Variants in DSE observed in about 807,000 individuals in gnomAD.
DSE encodes dermatan-sulfate epimerase.
Under a neutral mutation model 84.4 loss-of-function variants are expected in DSE, and 36 were observed. The ratio of observed to expected loss-of-function variants is 0.43; its 90% CI spans 0.33 to 0.56. The LOEUF is 0.56. Ranked by LOEUF, DSE falls within the 20% of genes least tolerant of loss-of-function variation. DSE has a pLI of 0.06. For synonymous variants in DSE, 410 were observed against 430.1 expected, an observed-to-expected ratio of 0.95 and a Z score of 0.58; for missense variants, 862 against 1,169.6, an observed-to-expected ratio of 0.74 and a Z score of 3.84.
Position 116,431,117 on chromosome 6 carries a change from G to A in DSE, c.834G>A (p.Arg278=), listed in dbSNP as rs1186518465. The change falls in exon 4 of 6, where the codon AGG becomes AGA. Residue 278 remains arginine, a synonymous_variant. Transcript: ENST00000644252. ...SLFQYMFLVQ[R]HFNINHFGHP... Reference sequence around the variant, plus strand: ...TCCAATACATGTTTCTCGTCCAGAGGCACTTCAACATCAACCACTTTGGCC... The same window carrying A: ...TCCAATACATGTTTCTCGTCCAGAGACACTTCAACATCAACCACTTTGGCC... The A allele has an allele frequency of 1.2e-6, 2 of 1,614,164 alleles. No individual in the cohort carries two copies. Among genetic ancestry groups the A allele is most frequent in the Non-Finnish European group, 1.7e-6 (2 of 1,180,026 alleles).
chr6:116,370,911 C>G (rs963552535), upstream of DSE: 3 of 985,590 alleles, frequency 3.0e-6, no homozygotes, highest in African/African-American at 1.7e-5. Flanking sequence ...CCGCCCCTTT[C>G]GCCCACACCT....
chr6:116,296,037 T>A (rs1049453480), intron 2 of DSE, among the ~76,000 whole-genome samples: 16 of 152,196 alleles, frequency 1.1e-4, no homozygotes, highest in African/African-American at 3.9e-4. Flanking sequence ...CTGAAATCAC[T>A]AAAATGTGCC....
chr6:116,272,687 T>C (rs1426032779), intron 2 of DSE, among the ~76,000 whole-genome samples: 3 of 152,210 alleles, frequency 2.0e-5, no homozygotes, highest in Non-Finnish European at 4.4e-5. Flanking sequence ...AGCTGCACTT[T>C]AGGCTGTAAT....
At chr6:116,413,388 T>C (rs1298387320) in intron 2 of DSE, among the ~76,000 whole-genome samples, 1 of 152,224 alleles carries the variant, frequency 6.6e-6, no homozygotes, top group Non-Finnish European at 1.5e-5. Context: ...CCCTACCCAA[T>C]ATCCTTTCTT....
chr6:116,258,534 G>A (rs1046719622), exon 2 of DSE: 14 of 1,371,126 alleles, frequency 1.0e-5, no homozygotes, highest in Middle Eastern at 1.8e-4. Flanking sequence ...AAGGCCACAC[G>A]TCCTTCTTCT....
intron 1 of DSE, among the ~76,000 whole-genome samples, chr6:116,371,742 C>T (rs962139797): frequency 1.3e-4 from 20 of 152,270 alleles, no homozygotes; most frequent in African/African-American, 4.6e-4. Context: ...CGAGGCAGTC[C>T]CGGGGAGGGG....
At chr6:116,393,194 T>G (rs765551617) in intron 1 of DSE, among the ~76,000 whole-genome samples, 4 of 152,184 alleles carry the variant, frequency 2.6e-5, no homozygotes, top group Non-Finnish European at 5.9e-5. Flanking sequence ...GGAAGAAAAT[T>G]TAGTTAATAG....
chr6:116,276,919 TA>T, intron 2 of DSE: 1 of 152,350 alleles, frequency 6.6e-6, no homozygotes, highest in East Asian at 1.9e-4. Flanking sequence ...TTTTGTAGAT[TA>T]TTTTTCCATG....
intron 2 of DSE, among the ~76,000 whole-genome samples, chr6:116,331,601 A>T (rs756624313): frequency 5.9e-5 from 9 of 152,204 alleles, no homozygotes; most frequent in Non-Finnish European, 1.3e-4. Flanking sequence ...ATCAATAGTT[A>T]CCAACATTTC....
chr6:116,409,263 C>A (rs1346282711), intron 2 of DSE, among the ~76,000 whole-genome samples: 3 of 151,946 alleles, frequency 2.0e-5, no homozygotes, highest in Non-Finnish European at 2.9e-5. Context: ...TATAAGTTTA[C>A]TGTATTTGTT....
chr6:116,335,265 AACAC>A (rs1405879498), intron 2 of DSE, among the ~76,000 whole-genome samples: 3 of 152,240 alleles, frequency 2.0e-5, no homozygotes, highest in Admixed American at 1.3e-4. Context: ...TTATCAAACT[AACAC>A]AGAAAGAGAA....
chr6:116,275,528 C>T (rs1031945197), intron 2 of DSE, among the ~76,000 whole-genome samples: 1 of 152,190 alleles, frequency 6.6e-6, no homozygotes, highest in East Asian at 1.9e-4. Flanking sequence ...GGGCTGGGTG[C>T]GGTGGCTCAC....
intron 2 of DSE, among the ~76,000 whole-genome samples, chr6:116,328,396 C>T (rs1198393159): frequency 1.3e-5 from 2 of 152,128 alleles, no homozygotes. Flanking sequence ...CATACGTTTC[C>T]TTTCTGGACC....
intron 2 of DSE, among the ~76,000 whole-genome samples, chr6:116,402,805 C>T (rs1238939322): frequency 6.6e-6 from 1 of 151,980 alleles, no homozygotes; most frequent in Non-Finnish European, 1.5e-5. Context: ...ATGTTAACAC[C>T]AATGAAGAAG....
rs1283836708 is a variant in DSE, at chr6:116,431,079, A to T, written c.796A>T (p.Thr266Ser). ...AGGAGTTGCGTATGGCAGCTACACC[A>T]CTAGATCACTCTTCCAATACATGTT... ...YEGVAYGSYT[T>S]RSLFQYMFLV... Residue 266 changes from threonine (T) to serine (S), a missense_variant, in exon 4 of 6, where the codon ACT becomes TCT. Physicochemically the swap from Thr to Ser is moderately conservative, Grantham distance 58. Transcript: ENST00000644252. 3 of 1,614,190 alleles carry T rather than the reference A, an allele frequency of 1.9e-6. No individual in the cohort carries two copies. In the South Asian group the frequency reaches 3.3e-5, roughly 18 times the overall value.
chr6:116,278,800 G>A, intron 2 of DSE: 1 of 1,614,162 alleles, frequency 6.2e-7, no homozygotes, highest in Non-Finnish European at 8.5e-7. Flanking sequence ...TCGGCCGGAG[G>A]ATCTTACCTC....
chr6:116,317,266 T>C (rs1776037181), intron 2 of DSE, among the ~76,000 whole-genome samples: 2 of 152,220 alleles, frequency 1.3e-5, no homozygotes, highest in Non-Finnish European at 1.5e-5. Context: ...TGTGGGAGAA[T>C]GTGGACCTCA....
intron 2 of DSE, among the ~76,000 whole-genome samples, chr6:116,266,824 T>C (rs893457008): frequency 1.3e-5 from 2 of 152,254 alleles, no homozygotes; most frequent in African/African-American, 4.8e-5. Flanking sequence ...TAAATCCTTG[T>C]AAAAATACAG....
At chr6:116,256,206 TTA>T (rs1434737614) in intron 1 of DSE, 7 of 152,358 alleles carry the variant, frequency 4.6e-5, no homozygotes, top group African/African-American at 1.7e-4. Flanking sequence ...TGTATAGCCC[TTA>T]TGACTTTTAC....
Sources: allele counts gnomAD v4.1 joint callset (sites outside exome capture counted in the v4.1 genomes callset), GRCh38; gene constraint gnomAD v4.1.1; transcripts MANE v1.5; gene names NCBI Gene and HGNC (gene_info 2026-07-23, HGNC 2026-07-21).